Variants in ITPR2 observed in about 807,000 individuals in gnomAD.
ITPR2 encodes inositol 1,4,5-trisphosphate receptor type 2, also known as inositol 1,4,5-trisphosphate-gated calcium channel ITPR2.
ITPR2 carries 207 observed loss-of-function variants against 317.1 expected under a neutral mutation model. The ratio of observed to expected loss-of-function variants is 0.65; its 90% CI spans 0.58 to 0.73. The LOEUF (loss-of-function observed/expected upper bound fraction) is 0.73, where lower values mean the gene tolerates loss of function less well. ITPR2 is among the 30% of genes least tolerant of loss of function. The pLI, the probability that ITPR2 is intolerant of heterozygous loss-of-function variation, is 0.00. For missense variants in ITPR2, 2,613 were observed against 3,284.0 expected (o/e 0.80, Z 4.99); for synonymous variants, 1,156 against 1,149.1 (o/e 1.01, Z -0.12).
At chr12:26,483,512 T>A (rs1942590490) in intron 42 of ITPR2, among the ~76,000 whole-genome samples, 186 bp downstream of exon 42, 1 of 152,242 alleles carries the variant, frequency 6.6e-6, no homozygotes, top group Non-Finnish European at 1.5e-5. Flanking sequence ...GGACTTGTTT[T>A]TACAATGAAA....
intron 52 of ITPR2, chr12:26,406,730 C>T (rs1351409201): frequency 6.6e-6 from 1 of 152,156 alleles, no homozygotes; most frequent in Non-Finnish European, 1.5e-5. Flanking sequence ...ATTTAAGTGA[C>T]ACATGCTGCA....
At chr12:26,589,451 T>A (rs984059748) in intron 32 of ITPR2, among the ~76,000 whole-genome samples, 1 of 152,018 alleles carries the variant, frequency 6.6e-6, no homozygotes, top group Non-Finnish European at 1.5e-5. Context: ...GTGGTATGAG[T>A]GCTAATTTCA....
intron 1 of ITPR2, among the ~76,000 whole-genome samples, chr12:26,796,863 G>A (rs752087375): frequency 2.0e-5 from 3 of 151,742 alleles, no homozygotes; most frequent in African/African-American, 4.8e-5. Context: ...AACCACCCCC[G>A]TCTCTACTAA....
chr12:26,357,269 C>T (rs750721556), intron 55 of ITPR2, among the ~76,000 whole-genome samples: 6 of 152,004 alleles, frequency 3.9e-5, no homozygotes, highest in Non-Finnish European at 7.4e-5. Context: ...TGCTGGAGAT[C>T]GAGTTCATTC....
chr12:26,474,651 G>A (rs12301898), intron 45 of ITPR2, among the ~76,000 whole-genome samples: 8,076 of 151,344 alleles, frequency 0.053, 586 homozygotes, highest in African/African-American at 0.17. Flanking sequence ...AAAATTAGCC[G>A]GGCGTAGTGG....
chr12:26,813,814 T>C (rs904628447), intron 1 of ITPR2, among the ~76,000 whole-genome samples: 41 of 152,198 alleles, frequency 2.7e-4, no homozygotes, highest in Admixed American at 2.0e-3. Context: ...ATAAGAATAG[T>C]ATAAATACCA....
chr12:26,629,580 T>C (rs974556534), intron 22 of ITPR2, among the ~76,000 whole-genome samples: 1 of 130,006 alleles, frequency 7.7e-6, no homozygotes, highest in Non-Finnish European at 1.6e-5. Flanking sequence ...AGCAAGACCC[T>C]GTCTCAAAAA....
intron 2 of ITPR2, among the ~76,000 whole-genome samples, chr12:26,776,983 C>T (rs1051250207): frequency 1.3e-5 from 2 of 152,094 alleles, no homozygotes; most frequent in African/African-American, 4.8e-5. Flanking sequence ...ATCTGAAAAA[C>T]AGACATGGGA....
At chr12:26,486,576 G>A (rs577800266) in intron 40 of ITPR2, among the ~76,000 whole-genome samples, 2 of 152,056 alleles carry the variant, frequency 1.3e-5, no homozygotes, top group African/African-American at 4.8e-5. Context: ...AATTTTAAAA[G>A]CACTCATGTC....
At chr12:26,555,077 G>A (rs959277444) in intron 36 of ITPR2, among the ~76,000 whole-genome samples, 10 of 152,058 alleles carry the variant, frequency 6.6e-5, no homozygotes, top group African/African-American at 2.2e-4. Flanking sequence ...TCCCTAAGAC[G>A]CAATGAGTCT....
chr12:26,363,895 A>C (rs1482363615), intron 55 of ITPR2, among the ~76,000 whole-genome samples: 1 of 152,260 alleles, frequency 6.6e-6, no homozygotes, highest in Admixed American at 6.5e-5. Context: ...TTATGTATAA[A>C]ATGTCTTCTA....
intron 55 of ITPR2, among the ~76,000 whole-genome samples, chr12:26,343,220 G>A (rs1938194766): frequency 6.6e-6 from 1 of 152,164 alleles, no homozygotes. Context: ...GCTAGTAACT[G>A]GATTAGCTGG....
intron 1 of ITPR2, among the ~76,000 whole-genome samples, chr12:26,798,603 C>G (rs534271514): frequency 1.3e-5 from 2 of 152,188 alleles, no homozygotes; most frequent in African/African-American, 4.8e-5. Flanking sequence ...CATTTTTTAA[C>G]TTAGCCAACA....
Position 26,486,322 on chromosome 12 carries a change from C to T in ITPR2, c.5593G>A (p.Gly1865Arg). The T allele has an allele frequency of 1.2e-6, 2 of 1,612,794 alleles. No individual in the cohort carries two copies. The highest frequency in any genetic ancestry group is 1.1e-5 in the South Asian group (1 of 91,040). ...STLHLKEGMK[G>R]QLTEASSATS... ...GCTGAAGAAGCTTCTGTTAATTGCC[C>T]TTTCATTCCCTCTTTTAAATGTAGT... Residue 1865 changes from glycine to arginine, a missense_variant, in exon 41 of 57, where the codon GGG becomes AGG. Physicochemically the swap from Gly to Arg is moderately radical, Grantham distance 125 (BLOSUM62 -2). Around this residue, in one of 9 missense-constraint regions of ITPR2, gnomAD observed 926 missense variants for 1,072.8 expected, o/e 0.86. Transcript: ENST00000381340.
At chr12:26,355,186 C>G (rs1938596806) in intron 55 of ITPR2, among the ~76,000 whole-genome samples, 1 of 152,204 alleles carries the variant, frequency 6.6e-6, no homozygotes, top group African/African-American at 2.4e-5. Flanking sequence ...CCTAACATCA[C>G]TACTCATTGG....
intron 37 of ITPR2, among the ~76,000 whole-genome samples, chr12:26,521,862 T>G (rs1311989802): frequency 6.6e-6 from 1 of 152,218 alleles, no homozygotes; most frequent in African/African-American, 2.4e-5. Flanking sequence ...GATAATGAGC[T>G]ATCCCTACAT....
intron 9 of ITPR2, among the ~76,000 whole-genome samples, chr12:26,704,231 C>T (rs1336845891): frequency 2.0e-5 from 3 of 152,148 alleles, no homozygotes; most frequent in Non-Finnish European, 4.4e-5. Context: ...AAAAATTTAT[C>T]TAAAGAATTC....
intron 43 of ITPR2, among the ~76,000 whole-genome samples, chr12:26,479,713 A>G (rs944897301): frequency 1.3e-5 from 2 of 152,180 alleles, no homozygotes; most frequent in Admixed American, 1.3e-4. Context: ...CTATGAATAG[A>G]AAGAGCAGAA....
intron 55 of ITPR2, among the ~76,000 whole-genome samples, chr12:26,366,668 G>C (rs950747198): frequency 2.0e-5 from 3 of 152,162 alleles, no homozygotes; most frequent in Admixed American, 6.5e-5. Context: ...TGATCTGGGA[G>C]GGTGTACTTT....
Sources: allele counts gnomAD v4.1 joint callset (sites outside exome capture counted in the v4.1 genomes callset), GRCh38; gene constraint gnomAD v4.1.1; regional missense constraint gnomAD v4.1.1; transcripts MANE v1.5; gene names NCBI Gene and HGNC (gene_info 2026-07-23, HGNC 2026-07-21).